Variants in LRP1B observed in about 807,000 individuals in gnomAD.
The protein encoded by LRP1B is LDL receptor related protein 1B, also known as low-density lipoprotein receptor-related protein 1B.
A neutral mutation model predicts 556.6 loss-of-function variants in LRP1B; 217 were observed. The observed-to-expected ratio is 0.39, with a 90% CI of 0.35 to 0.44. The LOEUF (loss-of-function observed/expected upper bound fraction) is 0.44, where lower values mean the gene tolerates loss of function less well. Ranked by LOEUF, LRP1B falls within the 20% of genes least tolerant of loss-of-function variation. The pLI, the probability that LRP1B is intolerant of heterozygous loss-of-function variation, is 1.00. For missense variants in LRP1B, 5,053 were observed against 5,620.8 expected (o/e 0.90, Z 3.23); for synonymous variants, 2,047 against 1,865.8 (o/e 1.10, Z -2.50).
chr2:140,601,319 T>G, intron 42 of LRP1B, 131 bp downstream of exon 42: 1 of 864,030 alleles, frequency 1.2e-6, no homozygotes, highest in Non-Finnish European at 1.6e-6. Context: ...AAAAAAAAAG[T>G]TTTATGAATT....
chr2:140,636,231 A>G (rs986273215), intron 41 of LRP1B, among the ~76,000 whole-genome samples: 33 of 152,186 alleles, frequency 2.2e-4, no homozygotes, highest in Non-Finnish European at 5.9e-5. Context: ...TGATTCTTGT[A>G]TAAAGCTTCT....
intron 2 of LRP1B, among the ~76,000 whole-genome samples, chr2:141,669,221 G>A (rs961151719): frequency 5.9e-5 from 9 of 152,000 alleles, no homozygotes; most frequent in Admixed American, 2.0e-4. Context: ...CAATATGACT[G>A]GTGTCTATAA....
rs371964094 is a variant in LRP1B at position 140,813,663 on chromosome 2, T to C, written c.5353A>G (p.Ile1785Val). The C allele has an allele frequency of 1.2e-6, 2 of 1,612,848 alleles. No individual in the cohort carries two copies. Among genetic ancestry groups the C allele is most frequent in the Non-Finnish European group, 1.7e-6 (2 of 1,179,432 alleles). ...ATAGAATAATTTCACTTACCCATGA[T>C]GGTTAGGGCTGTAGCTTTTGTTAAT... ...EELTKATALT[I>V]MDKKLWWADQ... The change falls in exon 32 of 91, where the codon ATC (isoleucine) becomes GTC (valine). Residue 1785 changes from isoleucine (I) to valine (V), a missense_variant. Coordinates refer to ENST00000389484, the MANE Select transcript of LRP1B (RefSeq NM_018557.3).
chr2:141,554,483 G>A (rs1217898914), intron 2 of LRP1B, among the ~76,000 whole-genome samples: 6 of 151,516 alleles, frequency 4.0e-5, no homozygotes, highest in Non-Finnish European at 4.4e-5. Flanking sequence ...TTGTTTTCTT[G>A]AAGAATGAAA....
chr2:140,669,624 G>A (rs888834523), intron 41 of LRP1B, among the ~76,000 whole-genome samples: 1 of 152,068 alleles, frequency 6.6e-6, no homozygotes, highest in Non-Finnish European at 1.5e-5. Context: ...AAACAAAGGA[G>A]TATATAACTG....
At chr2:140,677,114 G>A (rs1305246110) in intron 41 of LRP1B, among the ~76,000 whole-genome samples, 2 of 152,218 alleles carry the variant, frequency 1.3e-5, no homozygotes, top group Non-Finnish European at 2.9e-5. Context: ...ATCAGGAGGA[G>A]AACCAGGATG....
chr2:142,115,778 T>A (rs1343517098), intron 1 of LRP1B, among the ~76,000 whole-genome samples: 1 of 44,710 alleles, frequency 2.2e-5, no homozygotes, highest in African/African-American at 8.7e-5. Context: ...ATCATATATA[T>A]GTAATATATA....
At chr2:141,744,193 T>C (rs1378508369) in intron 2 of LRP1B, among the ~76,000 whole-genome samples, 1 of 152,090 alleles carries the variant, frequency 6.6e-6, no homozygotes, top group Non-Finnish European at 1.5e-5. Context: ...GTGCTTTCAT[T>C]GTCATTTGTT....
chr2:140,957,803 A>G (rs1196370362), intron 18 of LRP1B, among the ~76,000 whole-genome samples: 1 of 151,504 alleles, frequency 6.6e-6, no homozygotes, highest in East Asian at 1.9e-4. Flanking sequence ...CTCTAGTTCT[A>G]CAAAAGATGC....
intron 3 of LRP1B, among the ~76,000 whole-genome samples, chr2:141,318,195 A>C (rs1687099404): frequency 6.6e-6 from 1 of 152,136 alleles, no homozygotes; most frequent in Non-Finnish European, 1.5e-5. Context: ...GTTAGTCACC[A>C]TACCAGGTAC....
rs1681821882 is a variant in LRP1B at position 140,259,152 on chromosome 2, T to C, written c.13247+11090A>G. 2.0e-5 allele frequency among the ~76,000 whole-genome samples: 3 copies of C among 152,232 alleles called. No homozygotes were observed. In the South Asian group the frequency reaches 6.2e-4, roughly 32 times the overall value. ...ATTTATCTTACACCACTCAAATGCC[T>C]GAAGCACAGGCTGTATTTCTCCTTG... is the stretch of plus-strand genomic sequence containing the variant. On this transcript the variant is annotated intron_variant, in intron 86 of 90. Transcript: ENST00000389484.
intron 83 of LRP1B, among the ~76,000 whole-genome samples, chr2:140,311,266 T>C (rs113675986): frequency 7.2e-4 from 110 of 151,894 alleles, no homozygotes; most frequent in African/African-American, 2.5e-3. Flanking sequence ...AGGAAAAATA[T>C]GCAGTCAACC....
chr2:141,742,782 C>A (rs796958024), intron 2 of LRP1B, among the ~76,000 whole-genome samples: 122 of 152,168 alleles, frequency 8.0e-4, no homozygotes, highest in African/African-American at 2.9e-3. Flanking sequence ...GTGTCCTCTT[C>A]AGTTTCTAGA....
rs141271981 is a variant in LRP1B at position 140,610,985 on chromosome 2, G to C, written c.6800-9346C>G. Among the ~76,000 whole-genome samples, 865 of 152,304 alleles carry C rather than the reference G, an allele frequency of 5.7e-3. 9 individuals carry two copies. The highest frequency in any genetic ancestry group is 0.031 in the Middle Eastern group (9 of 294). ...TAACATTTGTGAAGTATTTAGAACA[G>C]TGCCTAGCACAAAATAAGGGTTCAA... On this transcript the variant is annotated intron_variant, in intron 41 of 90. Coordinates refer to ENST00000389484, the MANE Select transcript of LRP1B (RefSeq NM_018557.3).
intron 1 of LRP1B, among the ~76,000 whole-genome samples, chr2:141,934,986 C>A (rs992525717): frequency 6.6e-6 from 1 of 152,014 alleles, no homozygotes; most frequent in Non-Finnish European, 1.5e-5. Flanking sequence ...GGGAAAGAAC[C>A]AGTCATTACT....
intron 1 of LRP1B, among the ~76,000 whole-genome samples, chr2:142,086,291 G>A (rs1433905332): frequency 6.6e-6 from 1 of 152,094 alleles, no homozygotes; most frequent in Non-Finnish European, 1.5e-5. Context: ...TTTTCCTGTG[G>A]CTGTGGTGTT....
At chr2:140,801,543 C>A (rs115650917) in intron 32 of LRP1B, among the ~76,000 whole-genome samples, 1 of 151,106 alleles carries the variant, frequency 6.6e-6, no homozygotes, top group Non-Finnish European at 1.5e-5. Flanking sequence ...AATCCCAGAG[C>A]GTTCATCTTA....
chr2:140,977,159 G>C (rs1696625691), intron 18 of LRP1B, among the ~76,000 whole-genome samples: 1 of 152,122 alleles, frequency 6.6e-6, no homozygotes, highest in Non-Finnish European at 1.5e-5. Context: ...GTTGTGAAAG[G>C]GACCCAGTGG....
chr2:140,451,425 A>C (rs1686882120), intron 62 of LRP1B, among the ~76,000 whole-genome samples: 1 of 152,230 alleles, frequency 6.6e-6, no homozygotes, highest in African/African-American at 2.4e-5. Context: ...TAATTTAGGT[A>C]ATTTGAATTA....
Sources: gnomAD v4.1 joint callset for allele counts (sites outside exome capture counted in the v4.1 genomes callset) on GRCh38, gnomAD v4.1.1 for gene constraint, MANE v1.5 for transcripts, NCBI Gene and HGNC (gene_info 2026-07-23, HGNC 2026-07-21) for gene names.